Variants in SPDEF observed in about 807,000 individuals in gnomAD.
SPDEF encodes the protein SAM pointed domain containing ETS transcription factor.
SPDEF carries 12 observed loss-of-function variants against 36.0 expected under a neutral mutation model. That is an observed-to-expected ratio of 0.33 (90% CI 0.21 to 0.54). The LOEUF is 0.54. Ranked by LOEUF, SPDEF falls within the 20% of genes least tolerant of loss-of-function variation. The pLI, the probability that SPDEF is intolerant of heterozygous loss-of-function variation, is 0.93. For synonymous variants in SPDEF, 205 were observed against 193.0 expected (o/e 1.06, Z -0.51); for missense variants, 388 against 456.9 (o/e 0.85, Z 1.37).
chr6:34,551,897 C>A (rs1037178147), intron 1 of SPDEF, among the ~76,000 whole-genome samples: 1 of 152,190 alleles, frequency 6.6e-6, no homozygotes, highest in Non-Finnish European at 1.5e-5. Flanking sequence ...GGGGACAGAA[C>A]CCAGTTTCCC....
rs1192459400 is a variant in SPDEF at position 34,539,530 on chromosome 6, C to T, written c.667G>A (p.Ala223Thr). ...AWMKERTSPG[A>T]IHYCASTSEE... ...CCTGGCTCACCACAGTAGTGAATCG[C>T]CCCAGGTGAAGTCCGCTCTTTCATC... is the stretch of plus-strand genomic sequence containing the variant. Residue 223 changes from alanine to threonine, a missense_variant, in exon 4 of 6, where the codon GCG becomes ACG. Ala to Thr is a moderately conservative substitution (Grantham distance 58). Around this residue, in one of 2 missense-constraint regions of SPDEF, gnomAD observed 308 missense variants for 326.1 expected, o/e 0.94. Transcript: ENST00000374037. This position sits in a 1 kb window ranked among gnomAD's most constrained non-coding sequence, Gnocchi z 5.2. The T allele has an allele frequency of 1.9e-6, 3 of 1,575,330 alleles. No individual in the cohort carries two copies. The highest frequency in any genetic ancestry group is 2.6e-6 in the Non-Finnish European group (3 of 1,161,170).
rs1205002628 is a variant in SPDEF at position 34,538,684 on chromosome 6, G to A, written c.830-232C>T. On this transcript the variant is annotated intron_variant, in intron 5 of 5. Transcript: ENST00000374037. This position sits in a 1 kb window ranked among gnomAD's most constrained non-coding sequence, Gnocchi z 5.9. ...GTGCCACAGGCCCCAGTGAATGGCA[G>A]AGAATACTCTGGAGTCACAAACCTC... is the stretch of plus-strand genomic sequence containing the variant. Among the ~76,000 whole-genome samples the A allele has an allele frequency of 6.6e-6, 1 of 152,228 alleles. No homozygotes were observed.
At chr6:34,554,163 C>T (rs1327108402) in intron 1 of SPDEF, among the ~76,000 whole-genome samples, 2 of 152,292 alleles carry the variant, frequency 1.3e-5, no homozygotes, top group Non-Finnish European at 2.9e-5. Context: ...GGGTCTGTGT[C>T]CCCCTGTCAG....
In SPDEF at chr6:34,544,107, G is replaced by T. The variant is rs766795607; in HGVS notation, c.349C>A (p.His117Asn). The T allele has an allele frequency of 6.2e-7, 1 of 1,613,440 alleles. No individual in the cohort carries two copies. Among genetic ancestry groups the T allele is most frequent in the East Asian group, 2.2e-5 (1 of 44,884 alleles). The part of the protein sequence containing the change: ...LVPGGLTLEE[H>N]SLEQVQSMVV... The stretch of plus-strand genomic sequence containing the variant: ...ATGGACTGCACCTGCTCCAGCGAGT[G>T]CTCCTCCAAGGTCAGCCCGCCGGGC... The change falls in exon 2 of 6, where the codon CAC becomes AAC. Residue 117 changes from histidine to asparagine, a missense_variant. Transcript: ENST00000374037. The surrounding 1 kb of genome is among the most constrained non-coding windows in gnomAD (Gnocchi z 4.4).
In SPDEF at chr6:34,538,577, C is replaced by G; in HGVS notation, c.830-125G>C. ...CCCCGTGCAGAGGCCTCCCCCTGCT[C>G]GGGTGGGGCGGGGTGTGGGGGCCCA... On this transcript the variant is annotated intron_variant, in intron 5 of 5. Transcript: ENST00000374037. This position sits in a 1 kb window ranked among gnomAD's most constrained non-coding sequence, Gnocchi z 5.9. The G allele has an allele frequency of 1.1e-6, 1 of 937,850 alleles. No individual in the cohort carries two copies. The highest frequency in any genetic ancestry group is 1.6e-5 in the South Asian group (1 of 60,644). The allele number at this position is 937,850 out of a possible 1,614,324, so 58.1% of individuals were successfully genotyped here.
chr6:34,545,544 G>C (rs1767933417), intron 1 of SPDEF, among the ~76,000 whole-genome samples: 1 of 152,276 alleles, frequency 6.6e-6, no homozygotes, highest in African/African-American at 2.4e-5. Flanking sequence ...AGGGGGACTG[G>C]AGAGGTGCGC....
chr6:34,551,189 C>T (rs989122059), intron 1 of SPDEF, among the ~76,000 whole-genome samples: 1 of 152,198 alleles, frequency 6.6e-6, no homozygotes, highest in Non-Finnish European at 1.5e-5. Context: ...CTAAGGTTGC[C>T]CCTGTTGACC....
chr6:34,547,285 A>AAGGCATAT (rs1447735036), intron 1 of SPDEF, among the ~76,000 whole-genome samples: 1 of 152,038 alleles, frequency 6.6e-6, no homozygotes, highest in Admixed American at 6.6e-5. Context: ...TTTTGCCAGG[A>AAGGCATAT]AGGCATATAA....
rs2233644 is a variant in SPDEF, at chr6:34,539,574, G to A, written c.635-12C>T. On this transcript the variant is annotated splice_polypyrimidine_tract_variant and intron_variant, in intron 3 of 5. Transcript: ENST00000374037. This position sits in a 1 kb window ranked among gnomAD's most constrained non-coding sequence, Gnocchi z 5.2. Reference sequence around the variant, plus strand: ...TTTCATCCAGGCCGCTGCAGGGCAAGGAGAGGGGGTTGGGGACCCAGGAGA... The same window carrying A: ...TTTCATCCAGGCCGCTGCAGGGCAAAGAGAGGGGGTTGGGGACCCAGGAGA... 7,341 of 1,563,812 alleles carry A rather than the reference G, an allele frequency of 4.7e-3. 146 individuals are homozygous for A. The African/African-American group carries it at 0.06, about 13-fold the overall frequency.
intron 1 of SPDEF, among the ~76,000 whole-genome samples, chr6:34,554,853 T>C (rs1335885137): frequency 6.6e-6 from 1 of 152,128 alleles, no homozygotes; most frequent in Non-Finnish European, 1.5e-5. Flanking sequence ...CAGCTGGTGA[T>C]GGGGAGATGC....
At position 34,537,911 on chromosome 6, in the gene SPDEF, CAGGG is replaced by C; in HGVS notation, c.*359_*362del. 3 of 210,422 alleles carry C rather than the reference CAGGG, an allele frequency of 1.4e-5. No homozygotes were observed. The highest frequency in any genetic ancestry group is 1.8e-3 in the Middle Eastern group (1 of 558). The allele number at this position is 210,422 out of a possible 1,614,324, so 13.0% of individuals were successfully genotyped here. On this transcript the variant is annotated 3_prime_UTR_variant, in exon 6 of 6. Transcript: ENST00000374037. Reference sequence around the variant, plus strand: ...GCCAGGTGTGGTGCAGAATGGGAGGCAGGGGGATGGAGCAGAGAGAGGCCTGGAC... The same window carrying C: ...GCCAGGTGTGGTGCAGAATGGGAGGCGGATGGAGCAGAGAGAGGCCTGGAC...
At chr6:34,554,613 C>T (rs896341056) in intron 1 of SPDEF, among the ~76,000 whole-genome samples, 1 of 152,222 alleles carries the variant, frequency 6.6e-6, no homozygotes, top group African/African-American at 2.4e-5. Flanking sequence ...CTGGGAGCTC[C>T]GAGAATGCCC....
chr6:34,549,651 C>T (rs3798548), intron 1 of SPDEF, among the ~76,000 whole-genome samples: 103,695 of 152,032 alleles, frequency 0.68, 38,019 homozygotes, highest in South Asian at 0.89. Flanking sequence ...TTGGTCCCGG[C>T]TCTCAGGCCC....
intron 2 of SPDEF, among the ~76,000 whole-genome samples, chr6:34,541,675 G>A (rs1392998127): frequency 6.6e-6 from 1 of 152,250 alleles, no homozygotes; most frequent in East Asian, 1.9e-4. Flanking sequence ...CTGAGGCACA[G>A]GGCACTCCAT....
chr6:34,545,619 A>C (rs1393787932), intron 1 of SPDEF, among the ~76,000 whole-genome samples: 2 of 152,232 alleles, frequency 1.3e-5, no homozygotes, highest in African/African-American at 2.4e-5. Context: ...TTAAGAATAC[A>C]TCAAGACAGG....
In SPDEF at chr6:34,544,618, T is replaced by C. The variant is rs968864733; in HGVS notation, c.-29-134A>G. On this transcript the variant is annotated intron_variant, in intron 1 of 5. Transcript: ENST00000374037. This position sits in a 1 kb window ranked among gnomAD's most constrained non-coding sequence, Gnocchi z 4.4. ...ACAGAGTTGGGGGCTTCCGGGTCAT[T>C]GGGCAGCCACGACATGGTTGGGCAG... 2.2e-5 allele frequency: 15 copies of C among 666,824 alleles called. No homozygotes were observed. In the East Asian group the frequency reaches 4.5e-4, roughly 20 times the overall value. 41.3% of individuals were successfully genotyped at this position (666,824 alleles called of 1,614,324 possible).
chr6:34,553,484 G>A (rs1768106082), intron 1 of SPDEF, among the ~76,000 whole-genome samples: 1 of 152,190 alleles, frequency 6.6e-6, no homozygotes, highest in South Asian at 2.1e-4. Context: ...CTGCTCTCTA[G>A]CTCTGGGGCT....
At chr6:34,553,096 TG>T (rs1411225416) in intron 1 of SPDEF, among the ~76,000 whole-genome samples, 1 of 151,990 alleles carries the variant, frequency 6.6e-6, no homozygotes, top group East Asian at 1.9e-4. Flanking sequence ...GTCATAATCC[TG>T]GGGAGGTCCC....
At chr6:34,553,238 C>A (rs888208026) in intron 1 of SPDEF, among the ~76,000 whole-genome samples, 2 of 152,170 alleles carry the variant, frequency 1.3e-5, no homozygotes, top group Non-Finnish European at 2.9e-5. Flanking sequence ...GGTGGGAGAG[C>A]AGAATCTGGC....
Sources: gnomAD v4.1 joint callset for allele counts (sites outside exome capture counted in the v4.1 genomes callset) on GRCh38, gnomAD v4.1.1 for gene constraint, gnomAD v4.1.1 regional missense constraint, Gnocchi (gnomAD v3.1) non-coding constraint, MANE v1.5 for transcripts, NCBI Gene and HGNC (gene_info 2026-07-23, HGNC 2026-07-21) for gene names.